The following ATP9B variants were observed in gnomAD, a reference collection of about 807,000 sequenced individuals.
The protein encoded by ATP9B is ATPase phospholipid transporting 9B.
A neutral mutation model predicts 146.1 loss-of-function variants in ATP9B; 110 were observed. The observed-to-expected ratio is 0.75, with a 90% CI of 0.65 to 0.88. ATP9B has a LOEUF of 0.88. Ranked by LOEUF, ATP9B falls within the 40% of genes least tolerant of loss-of-function variation. The pLI is 0.00. For synonymous variants in ATP9B, 604 were observed against 569.7 expected, an observed-to-expected ratio of 1.06 and a Z score of -0.86; for missense variants, 1,499 against 1,496.4, an observed-to-expected ratio of 1.00 and a Z score of -0.03.
chr18:79,337,641 A>G (rs1600153970), intron 19 of ATP9B, among the ~76,000 whole-genome samples, 192 bp downstream of exon 19: 1 of 151,970 alleles, frequency 6.6e-6, no homozygotes, highest in African/African-American at 2.4e-5. Context: ...TCCCCACGCC[A>G]CCCCTACTCC....
intron 11 of ATP9B, among the ~76,000 whole-genome samples, chr18:79,246,497 AC>A: frequency 6.6e-6 from 1 of 151,638 alleles, no homozygotes; most frequent in Non-Finnish European, 1.5e-5. Context: ...CCCCCTTCCT[AC>A]CCCCCATAAT....
intron 8 of ATP9B, among the ~76,000 whole-genome samples, chr18:79,189,026 A>G (rs1202296382): frequency 6.6e-6 from 1 of 152,142 alleles, no homozygotes; most frequent in African/African-American, 2.4e-5. Flanking sequence ...AAAAGTAAAA[A>G]TTGTACCATT....
At chr18:79,329,932 T>C (rs2096781205) in intron 16 of ATP9B, 80 bp from the exon 17 acceptor site, 1 of 1,279,210 alleles carries the variant, frequency 7.8e-7, no homozygotes. Flanking sequence ...TTTTCCATTG[T>C]ATGTTTTATT....
chr18:79,159,143 C>T (rs948552479), intron 7 of ATP9B, among the ~76,000 whole-genome samples: 3 of 152,192 alleles, frequency 2.0e-5, no homozygotes, highest in South Asian at 2.1e-4. Flanking sequence ...TCTTTGAACA[C>T]GAAGTGTGTG....
chr18:79,366,995 A>C (rs1448321857), intron 26 of ATP9B, among the ~76,000 whole-genome samples: 1 of 152,122 alleles, frequency 6.6e-6, no homozygotes, highest in Non-Finnish European at 1.5e-5. Context: ...ACCAGAGAGC[A>C]CACAGATACC....
chr18:79,225,709 G>A (rs190292308), intron 11 of ATP9B, among the ~76,000 whole-genome samples: 12 of 128,728 alleles, frequency 9.3e-5, no homozygotes, highest in South Asian at 4.8e-4. Context: ...GTTGCAGGGC[G>A]GCCACTGTCT....
rs1204379063 is a variant in ATP9B at position 79,239,576 on chromosome 18, C to G, written c.1108-13805C>G. Among the ~76,000 whole-genome samples the G allele has an allele frequency of 6.6e-6, 1 of 152,098 alleles. No individual in the cohort carries two copies. The highest frequency in any genetic ancestry group is 6.5e-5 in the Admixed American group (1 of 15,284). ...CCTGGAGTCATTGTGCCGCCATTGTCTAGCATTGTGCCATGCTGCTTGTAA... is the reference window on the plus strand; with the variant it reads ...CCTGGAGTCATTGTGCCGCCATTGTGTAGCATTGTGCCATGCTGCTTGTAA... On this transcript the variant is annotated intron_variant, in intron 11 of 29. Transcript: ENST00000426216. This position sits in a 1 kb window ranked among gnomAD's most constrained non-coding sequence, Gnocchi z 5.1.
chr18:79,360,046 C>G (rs2096978596), intron 26 of ATP9B: 1 of 156,860 alleles, frequency 6.4e-6, no homozygotes, highest in East Asian at 1.8e-4. Context: ...ACCTGAAACT[C>G]TGAGAAAGAT....
At chr18:79,302,342 G>A (rs9946175) in intron 13 of ATP9B, among the ~76,000 whole-genome samples, 63 of 151,332 alleles carry the variant, frequency 4.2e-4, no homozygotes, top group Non-Finnish European at 8.1e-4. Flanking sequence ...CACACCCCCC[G>A]GGGACAAGGT....
At chr18:79,251,841 T>C (rs1202530612) in intron 11 of ATP9B, among the ~76,000 whole-genome samples, 1 of 152,244 alleles carries the variant, frequency 6.6e-6, no homozygotes, top group African/African-American at 2.4e-5. Context: ...TTTGCAGTCA[T>C]GTTTTCTTTG....
chr18:79,223,415 A>G (rs1424906776), intron 11 of ATP9B, among the ~76,000 whole-genome samples: 1 of 152,212 alleles, frequency 6.6e-6, no homozygotes, highest in Non-Finnish European at 1.5e-5. Context: ...GTAATAAAAT[A>G]CCGTAGAGTT....
chr18:79,163,577 A>G (rs1416436238), intron 7 of ATP9B, among the ~76,000 whole-genome samples: 2 of 152,146 alleles, frequency 1.3e-5, no homozygotes, highest in African/African-American at 2.4e-5. Flanking sequence ...TAAAGGGGGA[A>G]ATTCAATCTA....
intron 19 of ATP9B, among the ~76,000 whole-genome samples, chr18:79,342,056 T>C (rs979262300): frequency 1.4e-4 from 21 of 152,216 alleles, no homozygotes; most frequent in African/African-American, 5.1e-4. Context: ...GTCCTCAAGG[T>C]TGAACCACAA....
At chr18:79,221,667 G>A (rs2095678580) in intron 11 of ATP9B, among the ~76,000 whole-genome samples, 1 of 152,224 alleles carries the variant, frequency 6.6e-6, no homozygotes, top group Non-Finnish European at 1.5e-5. Context: ...CTTGCAGTGA[G>A]CTGAGATTAT....
At position 79,080,539 on chromosome 18, in the gene ATP9B, G is replaced by A. The variant is rs557737866; in HGVS notation, c.119+11010G>A. Among the ~76,000 whole-genome samples the A allele has an allele frequency of 2.6e-5, 4 of 151,446 alleles. No homozygotes were observed. In the East Asian group the frequency reaches 7.8e-4, roughly 30 times the overall value. ...TCAGCTTAAGGAGATTTTGGGTTTT[G>A]TAAGTATACAATCATGTCATCCACA... On this transcript the variant is annotated intron_variant, in intron 1 of 29. Transcript: ENST00000426216.
intron 7 of ATP9B, among the ~76,000 whole-genome samples, chr18:79,157,402 A>AC (rs2094805190): frequency 8.3e-6 from 1 of 121,206 alleles, no homozygotes; most frequent in African/African-American, 2.7e-5. Context: ...ATCTCAAAAA[A>AC]AAAAAAAAAA....
At chr18:79,356,173 A>G (rs747941110) in intron 25 of ATP9B, among the ~76,000 whole-genome samples, 9 of 152,160 alleles carry the variant, frequency 5.9e-5, no homozygotes, top group Non-Finnish European at 8.8e-5. Context: ...CACAGAGACC[A>G]GGTTAGACCA....
chr18:79,365,410 G>A (rs1231923341), intron 26 of ATP9B, among the ~76,000 whole-genome samples: 1 of 152,222 alleles, frequency 6.6e-6, no homozygotes, highest in African/African-American at 2.4e-5. Flanking sequence ...AGGGTGAAGG[G>A]AGAATGATAC....
At chr18:79,155,984 G>T (rs573329543) in intron 7 of ATP9B, among the ~76,000 whole-genome samples, 1 of 151,874 alleles carries the variant, frequency 6.6e-6, no homozygotes, top group Admixed American at 6.6e-5. Flanking sequence ...GGATGGTCTC[G>T]ATCTCCTGAC....
Sources: allele counts gnomAD v4.1 joint callset (sites outside exome capture counted in the v4.1 genomes callset), GRCh38; gene constraint gnomAD v4.1.1; non-coding constraint Gnocchi (gnomAD v3.1); transcripts MANE v1.5; gene names NCBI Gene and HGNC (gene_info 2026-07-23, HGNC 2026-07-21).